ASCC3: variants seen among roughly 807,000 people sequenced by gnomAD.
ASCC3 encodes the protein activating signal cointegrator 1 complex subunit 3.
A neutral mutation model predicts 256.3 loss-of-function variants in ASCC3; 158 were observed. The observed-to-expected ratio is 0.62, with a 90% CI of 0.54 to 0.70. The LOEUF is 0.70. Ranked by LOEUF, ASCC3 falls within the 30% of genes least tolerant of loss-of-function variation. ASCC3 has a pLI of 0.00. For missense variants in ASCC3, 2,259 were observed against 2,626.0 expected (o/e 0.86, Z 3.05); for synonymous variants, 948 against 883.4 (o/e 1.07, Z -1.30).
intron 38 of ASCC3, among the ~76,000 whole-genome samples, chr6:100,517,270 T>C (rs940412688): frequency 2.6e-5 from 4 of 152,078 alleles, no homozygotes; most frequent in Admixed American, 6.6e-5. Flanking sequence ...CCACCCCTCA[T>C]CCAGATGAAC....
In ASCC3 at chr6:100,715,203, CAGT is replaced by C. The variant is rs145633659; in HGVS notation, c.2151+256_2151+258del. ...TTCAATTGATATTGCTTCATGAAAA[CAGT>C]AAGAATATAATATTTAAAATTAAAA... On this transcript the variant is annotated intron_variant, in intron 13 of 41. Coordinates refer to ENST00000369162, the MANE Select transcript of ASCC3 (RefSeq NM_006828.4). 8.7e-4 allele frequency: 267 copies of C among 305,500 alleles called. 1 individual carries two copies. Among genetic ancestry groups the C allele is most frequent in the African/African-American group, 5.4e-3 (246 of 45,698 alleles). 18.9% of individuals were successfully genotyped at this position (305,500 alleles called of 1,614,324 possible).
At chr6:100,734,702 G>A (rs1780065285) in intron 10 of ASCC3, among the ~76,000 whole-genome samples, 1 of 151,976 alleles carries the variant, frequency 6.6e-6, no homozygotes, top group Admixed American at 6.6e-5. Flanking sequence ...CACTATTTTG[G>A]GCAATTAACT....
At chr6:100,810,450 C>A (rs1582896852) in intron 4 of ASCC3, among the ~76,000 whole-genome samples, 1 of 152,068 alleles carries the variant, frequency 6.6e-6, no homozygotes, top group Non-Finnish European at 1.5e-5. Context: ...TAGTGCAAGA[C>A]AAATGGCAAG....
intron 13 of ASCC3, 80 bp downstream of exon 13, chr6:100,715,382 C>T (rs1429155496): frequency 8.6e-6 from 11 of 1,282,992 alleles, no homozygotes; most frequent in East Asian, 5.0e-5. Context: ...TTCTGAAGAG[C>T]GTAAATATTA....
chr6:100,545,129 A>C (rs1370640308), intron 36 of ASCC3, among the ~76,000 whole-genome samples: 2 of 152,170 alleles, frequency 1.3e-5, no homozygotes, highest in Admixed American at 6.5e-5. Flanking sequence ...ACTCTCAGCA[A>C]ACTAAGAAAA....
chr6:100,848,848 A>G, intron 3 of ASCC3, 141 bp from the exon 4 acceptor site: 1 of 814,094 alleles, frequency 1.2e-6, no homozygotes, highest in Non-Finnish European at 2.0e-6. Flanking sequence ...ATGGCTCCAT[A>G]TAATCCCCAC....
chr6:100,770,062 A>G (rs1209056446), intron 8 of ASCC3, among the ~76,000 whole-genome samples: 1 of 152,092 alleles, frequency 6.6e-6, no homozygotes, highest in African/African-American at 2.4e-5. Context: ...ATTTCAAAAA[A>G]AATGTAAAAA....
intron 22 of ASCC3, among the ~76,000 whole-genome samples, chr6:100,645,067 A>G (rs904368532): frequency 6.6e-6 from 1 of 152,156 alleles, no homozygotes; most frequent in African/African-American, 2.4e-5. Context: ...CAAGTTTTCC[A>G]TTCTTGAAGC....
intron 30 of ASCC3, among the ~76,000 whole-genome samples, chr6:100,618,151 G>A (rs1228972175): frequency 3.3e-5 from 5 of 152,204 alleles, no homozygotes; most frequent in African/African-American, 7.2e-5. Flanking sequence ...AGTAGGAAGC[G>A]AAAGAAGACT....
intron 4 of ASCC3, among the ~76,000 whole-genome samples, chr6:100,824,269 C>A (rs1287116923): frequency 2.0e-5 from 3 of 152,166 alleles, no homozygotes; most frequent in African/African-American, 7.2e-5. Context: ...ATTAAGTAAG[C>A]ACTAAAACAG....
intron 13 of ASCC3, among the ~76,000 whole-genome samples, chr6:100,700,454 C>G (rs1778302258): frequency 6.6e-6 from 1 of 152,150 alleles, no homozygotes; most frequent in Non-Finnish European, 1.5e-5. Context: ...TACTGGGGCA[C>G]CACCTAGTAG....
chr6:100,651,955 T>C (rs1452458157), intron 18 of ASCC3, among the ~76,000 whole-genome samples: 1 of 152,068 alleles, frequency 6.6e-6, no homozygotes, highest in East Asian at 1.9e-4. Flanking sequence ...GGTTTGTGCT[T>C]ATTTTCAGCA....
chr6:100,829,945 A>G (rs1321536232), intron 4 of ASCC3, among the ~76,000 whole-genome samples: 1 of 152,122 alleles, frequency 6.6e-6, no homozygotes, highest in Non-Finnish European at 1.5e-5. Context: ...TCGATCTGAT[A>G]ACCAAGAAGA....
At chr6:100,789,609 C>T (rs1769257367) in intron 8 of ASCC3, among the ~76,000 whole-genome samples, 1 of 151,888 alleles carries the variant, frequency 6.6e-6, no homozygotes, top group Non-Finnish European at 1.5e-5. Context: ...ACAATCTACT[C>T]TGGAAAGAAC....
intron 11 of ASCC3, among the ~76,000 whole-genome samples, chr6:100,721,219 G>C (rs998854839): frequency 1.3e-5 from 2 of 151,436 alleles, no homozygotes; most frequent in Admixed American, 1.3e-4. Context: ...TAGACCTCTT[G>C]GAAAATATAC....
At chr6:100,848,899 A>G (rs1772521632) in intron 3 of ASCC3, among the ~76,000 whole-genome samples, 192 bp from the exon 4 acceptor site, 1 of 152,200 alleles carries the variant, frequency 6.6e-6, no homozygotes, top group Admixed American at 6.5e-5. Flanking sequence ...TGAGTCTAGG[A>G]GTTCAAGACC....
At chr6:100,767,447 G>T (rs150679207) in intron 8 of ASCC3, 102 bp from the exon 9 acceptor site, 4 of 1,218,522 alleles carry the variant, frequency 3.3e-6, no homozygotes, top group Middle Eastern at 2.2e-4. Flanking sequence ...TTAAAAAAAA[G>T]ACTAATTTGT....
chr6:100,583,445 A>AT (rs1771434526), intron 36 of ASCC3, among the ~76,000 whole-genome samples: 1 of 151,944 alleles, frequency 6.6e-6, no homozygotes, highest in East Asian at 1.9e-4. Context: ...CCCCTTTATC[A>AT]TTTTTTATTG....
chr6:100,833,235 A>G (rs1201472746), intron 4 of ASCC3, among the ~76,000 whole-genome samples: 2 of 152,194 alleles, frequency 1.3e-5, no homozygotes, highest in East Asian at 1.9e-4. Context: ...TTTCAACTAT[A>G]TGACATCTGG....
Sources: gnomAD v4.1 joint callset for allele counts (sites outside exome capture counted in the v4.1 genomes callset) on GRCh38, gnomAD v4.1.1 for gene constraint, MANE v1.5 for transcripts, NCBI Gene and HGNC (gene_info 2026-07-23, HGNC 2026-07-21) for gene names.